Variants in UBL3 observed in about 807,000 individuals in gnomAD.
The protein encoded by UBL3 is ubiquitin-like protein 3.
A neutral mutation model predicts 18.4 loss-of-function variants in UBL3; 6 were observed. That is an observed-to-expected ratio of 0.33 (90% CI 0.18 to 0.64). UBL3 has a LOEUF of 0.64. Ranked by LOEUF, UBL3 falls within the 30% of genes least tolerant of loss-of-function variation. The pLI is 0.76. For synonymous variants in UBL3, 49 were observed against 46.6 expected, an observed-to-expected ratio of 1.05 and a Z score of -0.21; for missense variants, 109 against 142.9, an observed-to-expected ratio of 0.76 and a Z score of 1.21.
intron 1 of UBL3, among the ~76,000 whole-genome samples, chr13:29,836,612 T>C (rs573945820): frequency 1.3e-3 from 202 of 151,974 alleles, no homozygotes; most frequent in African/African-American, 4.6e-3. Flanking sequence ...CCTTGAGGTA[T>C]TTGCCAATTA....
intron 1 of UBL3, among the ~76,000 whole-genome samples, chr13:29,794,084 G>A (rs543541093): frequency 5.9e-5 from 9 of 152,164 alleles, no homozygotes; most frequent in African/African-American, 2.2e-4. Context: ...GGCCTCAAGA[G>A]ATCCACTCGC....
chr13:29,771,119 C>T (rs1218949145), intron 3 of UBL3, among the ~76,000 whole-genome samples: 1 of 151,912 alleles, frequency 6.6e-6, no homozygotes, highest in Non-Finnish European at 1.5e-5. Flanking sequence ...GTGCTTAGCA[C>T]AGTGTTGGCC....
intron 1 of UBL3, among the ~76,000 whole-genome samples, chr13:29,822,873 C>T (rs1878500351): frequency 6.6e-6 from 1 of 152,096 alleles, no homozygotes; most frequent in Admixed American, 6.6e-5. Context: ...TCTTTAAGAT[C>T]TCCCCAAATT....
In UBL3 at chr13:29,792,230, G is replaced by A. The variant is rs527489969; in HGVS notation, c.28-14967C>T. Among the ~76,000 whole-genome samples, 59 of 152,162 alleles carry A rather than the reference G, an allele frequency of 3.9e-4. No individual in the cohort carries two copies. In the South Asian group the frequency reaches 0.01, roughly 27 times the overall value. On this transcript the variant is annotated intron_variant, in intron 1 of 4. Transcript: ENST00000380680. Reference sequence around the variant, plus strand: ...AGATATACATGTAACTGGACACTTCGTGTATAACCACCAAGTGGATCTACC... The same window carrying A: ...AGATATACATGTAACTGGACACTTCATGTATAACCACCAAGTGGATCTACC...
intron 3 of UBL3, among the ~76,000 whole-genome samples, chr13:29,769,679 A>T (rs1876786528): frequency 1.3e-5 from 2 of 152,098 alleles, no homozygotes; most frequent in South Asian, 4.1e-4. Context: ...TTAGCTGATC[A>T]TCTTCTTCAC....
At chr13:29,845,515 T>TTCA (rs1443233747) in intron 1 of UBL3, among the ~76,000 whole-genome samples, 8 of 152,100 alleles carry the variant, frequency 5.3e-5, no homozygotes, top group South Asian at 4.1e-4. Flanking sequence ...ACCTTTTCCT[T>TTCA]TCATGGCATT....
intron 1 of UBL3, among the ~76,000 whole-genome samples, chr13:29,825,544 A>T (rs900598567): frequency 6.6e-6 from 1 of 152,208 alleles, no homozygotes; most frequent in African/African-American, 2.4e-5. Context: ...ATTTTTGCAC[A>T]TTGATTTTGT....
intron 1 of UBL3, among the ~76,000 whole-genome samples, chr13:29,847,068 C>A (rs898441540): frequency 1.3e-5 from 2 of 152,204 alleles, no homozygotes; most frequent in Non-Finnish European, 2.9e-5. Context: ...AATCATGAAG[C>A]ATTTAATCGA....
At chr13:29,779,713 C>T (rs1877097069) in intron 1 of UBL3, among the ~76,000 whole-genome samples, 1 of 152,098 alleles carries the variant, frequency 6.6e-6, no homozygotes, top group African/African-American at 2.4e-5. Context: ...CAGATAGCCA[C>T]AATATATTAA....
intron 1 of UBL3, among the ~76,000 whole-genome samples, chr13:29,799,956 A>T (rs1877717312): frequency 6.6e-6 from 1 of 152,138 alleles, no homozygotes; most frequent in African/African-American, 2.4e-5. Flanking sequence ...AAAAAAAGCC[A>T]AAAAAGTCAA....
chr13:29,778,010 G>A (rs1028513967), intron 1 of UBL3, among the ~76,000 whole-genome samples: 1 of 152,016 alleles, frequency 6.6e-6, no homozygotes, highest in Non-Finnish European at 1.5e-5. Flanking sequence ...CAAGTGATCT[G>A]CCCACCTTAG....
rs79018469 is a variant in UBL3 at position 29,795,302 on chromosome 13, G to A, written c.28-18039C>T. On this transcript the variant is annotated intron_variant, in intron 1 of 4. Transcript: ENST00000380680. ...AACCTGGATTATATTTTCCAAAGGG[G>A]AAAAAATGAGCTATATATGGCAGCA... Among the ~76,000 whole-genome samples, 3 of 151,924 alleles carry A rather than the reference G, an allele frequency of 2.0e-5. No individual in the cohort carries two copies. The South Asian group carries it at 6.2e-4, about 32-fold the overall frequency.
intron 1 of UBL3, among the ~76,000 whole-genome samples, chr13:29,846,925 T>C (rs530337635): frequency 1.8e-4 from 28 of 152,346 alleles, no homozygotes; most frequent in African/African-American, 6.5e-4. Flanking sequence ...TTTAGAGTTA[T>C]GCTGCAAGGG....
chr13:29,796,006 A>G (rs994320039), intron 1 of UBL3, among the ~76,000 whole-genome samples: 3 of 151,554 alleles, frequency 2.0e-5, no homozygotes, highest in Non-Finnish European at 4.4e-5. Context: ...ACTTAGTTCT[A>G]TTGTTCGGTT....
At position 29,849,549 on chromosome 13, in the gene UBL3, G is replaced by C. The variant is rs1313495699; in HGVS notation, c.-11C>G. On this transcript the variant is annotated 5_prime_UTR_variant, in exon 1 of 5. It adds an upstream start codon to the 5' untranslated region. Coordinates refer to ENST00000380680, the MANE Select transcript of UBL3 (RefSeq NM_007106.4). ...GACATTACTGGACATCTTGCCGTTT[G>C]ATATACACCCAGATGTTTACGAAAA... The C allele has an allele frequency of 1.2e-6, 2 of 1,613,840 alleles. No individual in the cohort carries two copies. Among genetic ancestry groups the C allele is most frequent in the Non-Finnish European group, 1.7e-6 (2 of 1,180,022 alleles).
At chr13:29,789,696 CT>C (rs936055733) in intron 1 of UBL3, among the ~76,000 whole-genome samples, 1 of 152,176 alleles carries the variant, frequency 6.6e-6, no homozygotes, top group Non-Finnish European at 1.5e-5. Context: ...AGTTTATTTG[CT>C]TTTTTTCAAA....
chr13:29,772,296 C>CA (rs1876863003), intron 2 of UBL3, 98 bp from the exon 3 acceptor site: 1 of 943,648 alleles, frequency 1.1e-6, no homozygotes, highest in Non-Finnish European at 1.6e-6. Context: ...AGTTAGAGTA[C>CA]AAAGAAGGCC....
chr13:29,796,385 A>C (rs1877614467), intron 1 of UBL3, among the ~76,000 whole-genome samples: 1 of 152,210 alleles, frequency 6.6e-6, no homozygotes, highest in Non-Finnish European at 1.5e-5. Context: ...AATTATTTAG[A>C]TTTTAAACTG....
intron 1 of UBL3, among the ~76,000 whole-genome samples, chr13:29,798,268 C>T (rs191680412): frequency 2.2e-4 from 33 of 152,134 alleles, no homozygotes; most frequent in Non-Finnish European, 2.9e-5. Flanking sequence ...TCAGGTGATC[C>T]GACCACCTCA....
Sources: allele counts gnomAD v4.1 joint callset (sites outside exome capture counted in the v4.1 genomes callset), GRCh38; gene constraint gnomAD v4.1.1; transcripts MANE v1.5; gene names NCBI Gene and HGNC (gene_info 2026-07-23, HGNC 2026-07-21).